The following PTPRD variants were observed in gnomAD, a reference collection of about 807,000 sequenced individuals.
The protein encoded by PTPRD is protein tyrosine phosphatase receptor type D.
PTPRD carries 34 observed loss-of-function variants against 214.5 expected under a neutral mutation model. The ratio of observed to expected loss-of-function variants is 0.16; its 90% CI spans 0.12 to 0.21. PTPRD has a LOEUF of 0.21. Among genes scored for constraint, PTPRD ranks in the 10% least tolerant of loss-of-function variants. The pLI is 1.00. For synonymous variants in PTPRD, 1,128 were observed against 845.7 expected (o/e 1.33, Z -5.79); for missense variants, 2,545 against 2,398.7 (o/e 1.06, Z -1.27).
intron 2 of PTPRD, among the ~76,000 whole-genome samples, chr9:10,379,573 C>A (rs1378738568): frequency 1.3e-5 from 2 of 151,986 alleles, no homozygotes; most frequent in African/African-American, 2.4e-5. Context: ...TACTATATTA[C>A]TAGCATGAAA....
At chr9:8,714,888 T>C (rs2098414536) in intron 12 of PTPRD, among the ~76,000 whole-genome samples, 1 of 152,218 alleles carries the variant, frequency 6.6e-6, no homozygotes, top group Non-Finnish European at 1.5e-5. Flanking sequence ...TTATATTGTA[T>C]TTATTGTTCA....
At chr9:8,336,875 A>C (rs1016653035) in intron 43 of PTPRD, among the ~76,000 whole-genome samples, 1 of 152,236 alleles carries the variant, frequency 6.6e-6, no homozygotes, top group African/African-American at 2.4e-5. Flanking sequence ...CATTAGAGAA[A>C]TGCAAATCAA....
At chr9:9,621,749 G>C (rs919935404) in intron 7 of PTPRD, among the ~76,000 whole-genome samples, 1 of 152,112 alleles carries the variant, frequency 6.6e-6, no homozygotes, top group East Asian at 1.9e-4. Flanking sequence ...CGCCTGGGCT[G>C]GGGTGATTTT....
At chr9:8,681,883 T>C (rs2097556834) in intron 12 of PTPRD, among the ~76,000 whole-genome samples, 1 of 152,210 alleles carries the variant, frequency 6.6e-6, no homozygotes, top group Admixed American at 6.5e-5. Context: ...GTTTTCATTA[T>C]TACATTCTTG....
chr9:9,091,231 C>G, intron 10 of PTPRD: 8 of 1,303,752 alleles, frequency 6.1e-6, no homozygotes, highest in South Asian at 2.3e-5. Context: ...ACGTCCCCCA[C>G]CAAAGCCCAT....
At chr9:8,443,838 G>C (rs1453535569) in intron 34 of PTPRD, among the ~76,000 whole-genome samples, 1 of 152,002 alleles carries the variant, frequency 6.6e-6, no homozygotes, top group Non-Finnish European at 1.5e-5. Context: ...ATTTCTCTAA[G>C]ATCCTCAACC....
At chr9:8,348,570 T>C (rs917372882) in intron 39 of PTPRD, among the ~76,000 whole-genome samples, 1 of 152,118 alleles carries the variant, frequency 6.6e-6, no homozygotes, top group East Asian at 1.9e-4. Context: ...CCCCAAGTAA[T>C]TGGGGGTTGT....
chr9:10,580,708 G>C (rs1232398433), intron 2 of PTPRD, among the ~76,000 whole-genome samples: 1 of 152,070 alleles, frequency 6.6e-6, no homozygotes, highest in Non-Finnish European at 1.5e-5. Flanking sequence ...AATTATAATA[G>C]TCAAAGAAGA....
intron 11 of PTPRD, among the ~76,000 whole-genome samples, chr9:8,857,129 T>C (rs985509972): frequency 6.6e-6 from 1 of 152,150 alleles, no homozygotes; most frequent in African/African-American, 2.4e-5. Flanking sequence ...CCCTCCTCTA[T>C]GGCAGCTGCG....
chr9:8,453,668 T>G (rs2096059890), intron 33 of PTPRD, among the ~76,000 whole-genome samples: 1 of 152,212 alleles, frequency 6.6e-6, no homozygotes, highest in Admixed American at 6.5e-5. Flanking sequence ...TTAGTGTAAA[T>G]AATGCAGCAA....
chr9:9,909,493 T>C (rs2078570599), intron 5 of PTPRD, among the ~76,000 whole-genome samples: 2 of 151,972 alleles, frequency 1.3e-5, no homozygotes, highest in East Asian at 1.9e-4. Flanking sequence ...GAGTTAAACA[T>C]AGGCCTTAAC....
chr9:10,179,470 T>C (rs1351916125), intron 3 of PTPRD, among the ~76,000 whole-genome samples: 1 of 151,968 alleles, frequency 6.6e-6, no homozygotes. Context: ...TAAAATATAG[T>C]CCTAAATGTC....
intron 14 of PTPRD, among the ~76,000 whole-genome samples, chr9:8,534,271 T>C (rs2076387960): frequency 6.6e-6 from 1 of 151,812 alleles, no homozygotes; most frequent in Non-Finnish European, 1.5e-5. Flanking sequence ...ATAAACACAA[T>C]GACACTGCAA....
At chr9:9,286,436 T>C (rs940877180) in intron 9 of PTPRD, among the ~76,000 whole-genome samples, 5 of 151,854 alleles carry the variant, frequency 3.3e-5, no homozygotes, top group African/African-American at 4.8e-5. Flanking sequence ...TTTTTGTTTC[T>C]TCTCACTCTA....
intron 5 of PTPRD, among the ~76,000 whole-genome samples, chr9:9,903,231 A>G (rs1370238226): frequency 6.6e-6 from 1 of 152,074 alleles, no homozygotes; most frequent in Admixed American, 6.6e-5. Context: ...GCTTCACTTT[A>G]TATTTTCTTC....
chr9:10,397,724 A>G (rs1359571024), intron 2 of PTPRD, among the ~76,000 whole-genome samples: 1 of 152,006 alleles, frequency 6.6e-6, no homozygotes, highest in African/African-American at 2.4e-5. Context: ...GCCTAGGAGC[A>G]ATAGGCTTCT....
intron 10 of PTPRD, among the ~76,000 whole-genome samples, chr9:9,067,793 T>C (rs757197136): frequency 3.8e-4 from 58 of 152,228 alleles, no homozygotes; most frequent in Non-Finnish European, 1.2e-4. Context: ...ATACAATCTA[T>C]TGATCTTGTC....
At position 8,582,346 on chromosome 9, in the gene PTPRD, T is replaced by A. The variant is rs537863891; in HGVS notation, c.352+50971A>T. 3.9e-5 allele frequency among the ~76,000 whole-genome samples: 6 copies of A among 152,342 alleles called. No homozygotes were observed. In the South Asian group the frequency reaches 1.2e-3, roughly 32 times the overall value. Reference sequence around the variant, plus strand: ...ATATATTTATTACCTTGAGTCAGAATATTTTTTGAACATGACACAAAAAAG... The same window carrying A: ...ATATATTTATTACCTTGAGTCAGAAAATTTTTTGAACATGACACAAAAAAG... On this transcript the variant is annotated intron_variant, in intron 14 of 45. Coordinates refer to ENST00000381196, the MANE Select transcript of PTPRD (RefSeq NM_002839.4).
intron 14 of PTPRD, among the ~76,000 whole-genome samples, chr9:8,566,359 G>C (rs936260777): frequency 6.6e-6 from 1 of 152,110 alleles, no homozygotes; most frequent in Admixed American, 6.5e-5. Context: ...ATGTTCCTAA[G>C]TAACAGACAG....
Sources: allele counts gnomAD v4.1 joint callset (sites outside exome capture counted in the v4.1 genomes callset), GRCh38; gene constraint gnomAD v4.1.1; transcripts MANE v1.5; gene names NCBI Gene and HGNC (gene_info 2026-07-23, HGNC 2026-07-21).